EPHA1: variants seen among roughly 807,000 people sequenced by gnomAD.
EPHA1 encodes the protein EPH receptor A1, also known as ephrin type-A receptor 1.
In EPHA1, 92 loss-of-function variants were observed where a neutral mutation model predicts 110.1. The observed-to-expected ratio is 0.84, with a 90% CI of 0.71 to 0.99. The LOEUF is 0.99. Among genes scored for constraint, EPHA1 ranks in the 50% least tolerant of loss-of-function variants. The pLI is 0.00. For synonymous variants in EPHA1, 500 were observed against 516.1 expected (o/e 0.97, Z 0.42); for missense variants, 1,204 against 1,285.4 (o/e 0.94, Z 0.97).
chr7:143,392,896 T>G (rs942616970), intron 16 of EPHA1, among the ~76,000 whole-genome samples: 2 of 151,924 alleles, frequency 1.3e-5, no homozygotes, highest in African/African-American at 4.8e-5. Flanking sequence ...GAGCTGAGAT[T>G]GCGCTGCGTT....
Position 143,397,773 on chromosome 7 carries a change from C to T in EPHA1, c.1616-116G>A, listed in dbSNP as rs113338478. 5.0e-5 allele frequency: 76 copies of T among 1,509,978 alleles called. 1 individual carries two copies. In the African/African-American group the frequency reaches 7.6e-4, roughly 15 times the overall value. The allele number at this position is 1,509,978 out of a possible 1,614,324, so 93.5% of individuals were successfully genotyped here. A position where few individuals can be genotyped will look rare whatever the true frequency, so the allele number is the denominator to read the frequency against. On this transcript the variant is annotated intron_variant, in intron 8 of 17. Transcript: ENST00000275815. Reference sequence around the variant, plus strand: ...TCAGACCTTTCAGTGTGCATCAGGTCGGTGTCTGTCCCCTACCCCCGGAAG... The same window carrying T: ...TCAGACCTTTCAGTGTGCATCAGGTTGGTGTCTGTCCCCTACCCCCGGAAG...
At position 143,396,304 on chromosome 7, in the gene EPHA1, C is replaced by T. The variant is rs1056552161; in HGVS notation, c.1897+81G>A. On this transcript the variant is annotated intron_variant, in intron 11 of 17. Transcript: ENST00000275815. The stretch of plus-strand genomic sequence containing the variant: ...AAGCCAGCTGGGCTGCCCAGGGAAG[C>T]GCTGGAAGGAAGGGGCCTGCTGGTG... The T allele has an allele frequency of 3.4e-5, 52 of 1,529,148 alleles. No individual in the cohort carries two copies. The African/African-American group carries it at 4.5e-4, about 13-fold the overall frequency. 94.7% of individuals were successfully genotyped at this position (1,529,148 alleles called of 1,614,324 possible). A position where few individuals can be genotyped will look rare whatever the true frequency, so the allele number is the denominator to read the frequency against.
At chr7:143,392,180 A>G (rs1029458754) in intron 16 of EPHA1, among the ~76,000 whole-genome samples, 1 of 152,224 alleles carries the variant, frequency 6.6e-6, no homozygotes, top group Non-Finnish European at 1.5e-5. Flanking sequence ...GCCTTTTTCC[A>G]TAGTGGCTGC....
At chr7:143,397,405 C>A in intron 9 of EPHA1, 43 bp from the exon 10 acceptor site, 1 of 1,549,650 alleles carries the variant, frequency 6.5e-7, no homozygotes, top group Non-Finnish European at 8.7e-7. Flanking sequence ...CCCAGGACCA[C>A]CTCAGGGGTC....
rs201008645 is a variant in EPHA1, at chr7:143,398,794, C to G, written c.1143G>C (p.Gly381=). The change falls in exon 6 of 18, where the codon GGG becomes GGC. Residue 381 remains glycine (G), a synonymous_variant. Coordinates refer to ENST00000275815, the MANE Select transcript of EPHA1 (RefSeq NM_005232.5). Reference sequence around the variant, plus strand: ...CGCCCACCCCACAGGGCTGGCAGGGCCCCCCGTCCTGTGCTGTGCCCTGAC... The same window carrying G: ...CGCCCACCCCACAGGGCTGGCAGGGGCCCCCGTCCTGTGCTGTGCCCTGAC... ...SQCQGTAQDG[G]PCQPCGVGVH... The G allele has an allele frequency of 6.2e-7, 1 of 1,613,246 alleles. No homozygotes were observed.
At chr7:143,397,722 G>A (rs45453497) in intron 8 of EPHA1, 65 bp from the exon 9 acceptor site, 10 of 1,593,670 alleles carry the variant, frequency 6.3e-6, no homozygotes, top group Admixed American at 3.4e-5. Flanking sequence ...GGGGGTTAAA[G>A]GGCAGGGCCC....
intron 16 of EPHA1, among the ~76,000 whole-genome samples, chr7:143,392,505 A>G (rs1805116578): frequency 1.3e-5 from 2 of 152,132 alleles, no homozygotes; most frequent in South Asian, 4.1e-4. Context: ...GCTACCCAAT[A>G]AAGCACTTGA....
At position 143,399,635 on chromosome 7, in the gene EPHA1, C is replaced by T. The variant is rs767538182; in HGVS notation, c.835+16G>A. On this transcript the variant is annotated intron_variant, in intron 4 of 17. Transcript: ENST00000275815. The stretch of plus-strand genomic sequence containing the variant: ...TCCCGAGTGGTTCCTCAGGTTCTCA[C>T]CGCCTCCGTTCTTACCAACACATGC... The T allele has an allele frequency of 3.7e-6, 6 of 1,611,994 alleles. No homozygotes were observed. In the African/African-American group the frequency reaches 5.3e-5, roughly 14 times the overall value.
chr7:143,399,594 G>T, intron 4 of EPHA1, 57 bp downstream of exon 4: 2 of 1,602,952 alleles, frequency 1.2e-6, no homozygotes, highest in South Asian at 2.2e-5. Context: ...TCTCTGCCGG[G>T]GTACTCCTGC....
At position 143,401,634 on chromosome 7, in the gene EPHA1, C is replaced by T. The variant is rs1805424692; in HGVS notation, c.151-29G>A. On this transcript the variant is annotated intron_variant, in intron 2 of 17. Coordinates refer to ENST00000275815, the MANE Select transcript of EPHA1 (RefSeq NM_005232.5). This position sits in a 1 kb window ranked among gnomAD's most constrained non-coding sequence, Gnocchi z 4.1. ...CAAGGAGGAAATCAGAGTCAGGGAC[C>T]AGATCATCCCCTGCTCCCCAAACCC... 6.3e-7 allele frequency: 1 copy of T among 1,598,872 alleles called. No individual in the cohort carries two copies. The highest frequency in any genetic ancestry group is 8.6e-7 in the Non-Finnish European group (1 of 1,168,998).
Position 143,394,241 on chromosome 7 carries a change from C to A in EPHA1, c.2455G>T (p.Val819Leu). ...TAAGGCTTGTCCCCAAAGCTCAGCA[C>A]CTCCCACATCACAATCCCAAAGCTC... ...VWSFGIVMWEVLSFGDKPYGE... is the reference protein window; with the variant it reads ...VWSFGIVMWELLSFGDKPYGE... The change falls in exon 15 of 18, where the codon GTG (valine) becomes TTG (leucine). Residue 819 changes from valine to leucine, a missense_variant. Val to Leu is a conservative substitution (Grantham distance 32). Transcript: ENST00000275815. 1.9e-6 allele frequency: 3 copies of A among 1,614,044 alleles called. No homozygotes were observed. The highest frequency in any genetic ancestry group is 1.7e-6 in the Non-Finnish European group (2 of 1,179,990).
Position 143,399,389 on chromosome 7 carries a change from A to C in EPHA1, c.860T>G (p.Met287Arg). ...GAGACAATGGGGTGTGTCCATGTCC[A>C]TCCGGTAGGAGCCGCTAGGGCAGGC... ...CVACPSGSYR[M>R]DMDTPHCLTC... The change falls in exon 5 of 18, where the codon ATG (methionine) becomes AGG (arginine). Residue 287 changes from methionine (M) to arginine (R), a missense_variant. Coordinates refer to ENST00000275815, the MANE Select transcript of EPHA1 (RefSeq NM_005232.5). 6.3e-7 allele frequency: 1 copy of C among 1,598,154 alleles called. No homozygotes were observed. Among genetic ancestry groups the C allele is most frequent in the Non-Finnish European group, 8.5e-7 (1 of 1,171,738 alleles).
At chr7:143,407,413 C>G (rs563555978) in intron 2 of EPHA1, among the ~76,000 whole-genome samples, 198 bp downstream of exon 2, 1 of 152,202 alleles carries the variant, frequency 6.6e-6, no homozygotes, top group Admixed American at 6.5e-5. Context: ...GCCATTCAAG[C>G]GTTCATCTTG....
rs765474060 is a variant in EPHA1, at chr7:143,391,665, G to A, written c.2807C>T (p.Ser936Leu). 23 of 1,613,990 alleles carry A rather than the reference G, an allele frequency of 1.4e-5. No homozygotes were observed. Among genetic ancestry groups the A allele is most frequent in the South Asian group, 6.6e-5 (6 of 91,080 alleles). ...RMKRYILHFH[S>L]AGLDTMECVL... The stretch of plus-strand genomic sequence containing the variant: ...ACACTCCATGGTGTCCAGCCCAGCC[G>A]AGTGGAAGTGCAGGATGTAGCGTTT... Residue 936 changes from serine to leucine, a missense_variant, in exon 17 of 18, where the codon TCG (serine) becomes TTG (leucine). Transcript: ENST00000275815.
rs746958442 is a variant in EPHA1, at chr7:143,399,781, C to T, written c.705G>A (p.Ala235=). The T allele has an allele frequency of 3.4e-5, 54 of 1,607,660 alleles. No individual in the cohort carries two copies. The highest frequency in any genetic ancestry group is 4.5e-5 in the East Asian group (2 of 44,608). ...VEVAGTCLPH[A]RASPRPSGAP... is the part of the protein sequence containing the mutation. ...CACCTGAGGGCCTGGGGCTGGCCCG[C>T]GCGTGGGGCAAGCAGGTCCCCGCCA... Residue 235 remains alanine, a synonymous_variant, in exon 4 of 18, where the codon GCG becomes GCA. Coordinates refer to ENST00000275815, the MANE Select transcript of EPHA1 (RefSeq NM_005232.5).
intron 14 of EPHA1, 130 bp from the exon 15 acceptor site, chr7:143,394,473 T>G (rs1459184180): frequency 8.5e-7 from 1 of 1,175,724 alleles, no homozygotes; most frequent in Non-Finnish European, 1.2e-6. Context: ...TAGGCTGCAG[T>G]GCAGTGGCGC....
chr7:143,401,114 A>C lies in EPHA1; in HGVS notation c.432+210T>G. 1 of 645,816 alleles carries C rather than the reference A, an allele frequency of 1.5e-6. No individual in the cohort carries two copies. The allele number at this position is 645,816 out of a possible 1,614,324, so 40.0% of individuals were successfully genotyped here. A position where few individuals can be genotyped will look rare whatever the true frequency, so the allele number is the denominator to read the frequency against. ...TGCTATGTTGCCCAGGCTGGTCTCA[A>C]GCTCCTGGCCTCAAGTGATCTTCCC... On this transcript the variant is annotated intron_variant, in intron 3 of 17. Transcript: ENST00000275815. This position sits in a 1 kb window ranked among gnomAD's most constrained non-coding sequence, Gnocchi z 4.1.
intron 11 of EPHA1, among the ~76,000 whole-genome samples, chr7:143,396,150 G>A (rs776723274): frequency 2.2e-4 from 33 of 152,246 alleles, no homozygotes; most frequent in Non-Finnish European, 1.3e-4. Flanking sequence ...CAAAACCACA[G>A]AAGCAAGTGT....
At chr7:143,400,218 C>G (rs1254372323) in intron 3 of EPHA1, among the ~76,000 whole-genome samples, 165 bp from the exon 4 acceptor site, 1 of 152,176 alleles carries the variant, frequency 6.6e-6, no homozygotes, top group Non-Finnish European at 1.5e-5. Context: ...CTATTTAGCT[C>G]ATGCAATCCT....
Sources: allele counts gnomAD v4.1 joint callset (sites outside exome capture counted in the v4.1 genomes callset), GRCh38; gene constraint gnomAD v4.1.1; non-coding constraint Gnocchi (gnomAD v3.1); transcripts MANE v1.5; gene names NCBI Gene and HGNC (gene_info 2026-07-23, HGNC 2026-07-21).